NDUFS4: variants seen among roughly 807,000 people sequenced by gnomAD.
NDUFS4 encodes NADH dehydrogenase [ubiquinone] iron-sulfur protein 4, mitochondrial.
A neutral mutation model predicts 24.3 loss-of-function variants in NDUFS4; 28 were observed. The ratio of observed to expected loss-of-function variants is 1.15; its 90% CI spans 0.85 to 1.58. The LOEUF (loss-of-function observed/expected upper bound fraction) is 1.58, where lower values mean the gene tolerates loss of function less well. NDUFS4 is among the 40% of genes most tolerant of loss of function. The pLI, the probability that NDUFS4 is intolerant of heterozygous loss-of-function variation, is 0.00. For missense variants in NDUFS4, 223 were observed against 207.9 expected (o/e 1.07, Z -0.45); for synonymous variants, 93 against 69.7 (o/e 1.34, Z -1.67).
At chr5:53,593,211 A>T (rs556591482) in intron 1 of NDUFS4, among the ~76,000 whole-genome samples, 1 of 152,102 alleles carries the variant, frequency 6.6e-6, no homozygotes, top group African/African-American at 2.4e-5. Context: ...ATTATCTTTA[A>T]TAGATATAGG....
At chr5:53,568,673 C>A (rs1254913800) in intron 1 of NDUFS4, among the ~76,000 whole-genome samples, 1 of 152,122 alleles carries the variant, frequency 6.6e-6, no homozygotes, top group East Asian at 1.9e-4. Flanking sequence ...TAATATAGCA[C>A]AGCTGTTGAA....
intron 1 of NDUFS4, among the ~76,000 whole-genome samples, chr5:53,574,981 TAGA>T (rs1435083283): frequency 6.6e-6 from 1 of 152,152 alleles, no homozygotes; most frequent in Non-Finnish European, 1.5e-5. Context: ...CCAGCGGACT[TAGA>T]AGAAGAACCC....
intron 2 of NDUFS4, among the ~76,000 whole-genome samples, chr5:53,618,141 G>C (rs574105811): frequency 6.6e-6 from 1 of 152,022 alleles, no homozygotes; most frequent in Non-Finnish European, 1.5e-5. Context: ...GGGTAGTGGC[G>C]CGTGCCTGTG....
intron 1 of NDUFS4, among the ~76,000 whole-genome samples, chr5:53,583,813 A>G (rs1042014118): frequency 2.6e-5 from 4 of 152,240 alleles, no homozygotes; most frequent in Admixed American, 1.3e-4. Flanking sequence ...CTTTTCAACC[A>G]TAATTTAAGC....
intron 4 of NDUFS4, among the ~76,000 whole-genome samples, chr5:53,671,728 A>T (rs997884423): frequency 1.3e-5 from 2 of 152,174 alleles, no homozygotes; most frequent in African/African-American, 4.8e-5. Context: ...TACATCATGG[A>T]GAGAGGAGGT....
intron 4 of NDUFS4, among the ~76,000 whole-genome samples, chr5:53,668,712 T>C (rs906376493): frequency 3.3e-5 from 5 of 151,774 alleles, no homozygotes; most frequent in African/African-American, 1.2e-4. Flanking sequence ...CCACCTGCCT[T>C]GGCCTCCCAA....
At chr5:53,589,931 C>T (rs1579843834) in intron 1 of NDUFS4, among the ~76,000 whole-genome samples, 1 of 152,170 alleles carries the variant, frequency 6.6e-6, no homozygotes, top group Non-Finnish European at 1.5e-5. Context: ...CCTCAACTTG[C>T]AGATGGCTTA....
chr5:53,560,834 T>A, intron 1 of NDUFS4, 74 bp downstream of exon 1: 4 of 1,607,010 alleles, frequency 2.5e-6, no homozygotes, highest in Non-Finnish European at 3.4e-6. Flanking sequence ...CTGGCTGAGT[T>A]CCGGAGGAGG....
intron 1 of NDUFS4, among the ~76,000 whole-genome samples, chr5:53,582,333 A>G (rs1221602707): frequency 6.6e-6 from 1 of 152,210 alleles, no homozygotes; most frequent in African/African-American, 2.4e-5. Flanking sequence ...ATTTCAGTTC[A>G]GGGTCAAGAG....
At chr5:53,574,650 T>C (rs1392360545) in intron 1 of NDUFS4, among the ~76,000 whole-genome samples, 2 of 152,224 alleles carry the variant, frequency 1.3e-5, no homozygotes, top group Non-Finnish European at 2.9e-5. Context: ...CAAATTAAGA[T>C]ATGTTGTATT....
intron 1 of NDUFS4, among the ~76,000 whole-genome samples, chr5:53,589,984 CCCTTGT>C (rs1294935764): frequency 6.6e-6 from 1 of 152,102 alleles, no homozygotes; most frequent in African/African-American, 2.4e-5. Context: ...TTAATAAACT[CCCTTGT>C]TAGTTGTGTC....
At chr5:53,592,667 C>T (rs1357169300) in intron 1 of NDUFS4, among the ~76,000 whole-genome samples, 1 of 152,098 alleles carries the variant, frequency 6.6e-6, no homozygotes, top group Admixed American at 6.6e-5. Flanking sequence ...TTGGATTGCC[C>T]TTGTTTCTTT....
chr5:53,617,134 C>T (rs539136349), intron 2 of NDUFS4, among the ~76,000 whole-genome samples: 1 of 152,134 alleles, frequency 6.6e-6, no homozygotes, highest in Non-Finnish European at 1.5e-5. Flanking sequence ...AGGTGCTGTC[C>T]ACCAGTTTGG....
chr5:53,642,718 GAATA>G (rs1353945155), intron 2 of NDUFS4, among the ~76,000 whole-genome samples: 5 of 152,106 alleles, frequency 3.3e-5, no homozygotes, highest in Non-Finnish European at 5.9e-5. Context: ...GTATTTGAAA[GAATA>G]AAGTTCATAT....
intron 2 of NDUFS4, among the ~76,000 whole-genome samples, chr5:53,618,389 AT>A (rs1750919937): frequency 6.6e-6 from 1 of 152,132 alleles, no homozygotes; most frequent in South Asian, 2.1e-4. Flanking sequence ...TGGAATTATA[AT>A]TATTATTCTT....
At chr5:53,617,770 T>C (rs1750890964) in intron 2 of NDUFS4, among the ~76,000 whole-genome samples, 1 of 152,176 alleles carries the variant, frequency 6.6e-6, no homozygotes, top group African/African-American at 2.4e-5. Context: ...TTATACATTA[T>C]TACATTATTT....
intron 4 of NDUFS4, among the ~76,000 whole-genome samples, chr5:53,662,101 C>T (rs1479596102): frequency 6.6e-6 from 1 of 152,074 alleles, no homozygotes; most frequent in East Asian, 1.9e-4. Context: ...GTTTCCAGTT[C>T]TTGCCCATTC....
chr5:53,668,643 T>C (rs1424763947), intron 4 of NDUFS4, among the ~76,000 whole-genome samples: 1 of 146,952 alleles, frequency 6.8e-6, no homozygotes, highest in African/African-American at 2.5e-5. Flanking sequence ...TTTTTTAAAG[T>C]AGAGACAGGG....
intron 1 of NDUFS4, among the ~76,000 whole-genome samples, chr5:53,583,432 A>T (rs1304489396): frequency 1.3e-5 from 2 of 152,234 alleles, no homozygotes; most frequent in Non-Finnish European, 2.9e-5. Context: ...AGGAATGGAC[A>T]TGTATTGCAA....
Sources: allele counts gnomAD v4.1 joint callset (sites outside exome capture counted in the v4.1 genomes callset), GRCh38; gene constraint gnomAD v4.1.1; transcripts MANE v1.5; gene names NCBI Gene and HGNC (gene_info 2026-07-23, HGNC 2026-07-21).